The following TTC28 variants were observed in gnomAD, a reference collection of about 807,000 sequenced individuals.
TTC28 encodes the protein tetratricopeptide repeat domain 28.
A neutral mutation model predicts 198.0 loss-of-function variants in TTC28; 61 were observed. The observed-to-expected ratio is 0.31, with a 90% CI of 0.25 to 0.38. TTC28 has a LOEUF of 0.38. Ranked by LOEUF, TTC28 falls within the 10% of genes least tolerant of loss-of-function variation. TTC28 has a pLI of 1.00. For missense variants in TTC28, 2,678 were observed against 3,164.0 expected (o/e 0.85, Z 3.69); for synonymous variants, 1,171 against 1,297.8 (o/e 0.90, Z 2.10).
chr22:28,208,886 T>C (rs1199756725), intron 5 of TTC28, among the ~76,000 whole-genome samples: 2 of 152,120 alleles, frequency 1.3e-5, no homozygotes, highest in Admixed American at 1.3e-4. Flanking sequence ...AGTTGCTTAT[T>C]CTCTACATAT....
intron 14 of TTC28, 110 bp downstream of exon 14, chr22:28,014,138 C>G (rs553473335): frequency 7.5e-7 from 1 of 1,335,746 alleles, no homozygotes; most frequent in Non-Finnish European, 1.0e-6. Context: ...GGAAAGCCTC[C>G]GGTTGTCTCG....
At chr22:28,348,042 A>C (rs2045935782) in intron 2 of TTC28, among the ~76,000 whole-genome samples, 2 of 152,252 alleles carry the variant, frequency 1.3e-5, no homozygotes, top group South Asian at 4.1e-4. Context: ...AGAAGGAAAG[A>C]GCCTGGCACA....
At chr22:28,674,763 G>GAGCCAAGATC (rs1412151404) in intron 1 of TTC28, among the ~76,000 whole-genome samples, 1 of 148,382 alleles carries the variant, frequency 6.7e-6, no homozygotes, top group East Asian at 2.0e-4. Flanking sequence ...AGGTTACAGT[G>GAGCCAAGATC]AGCCAAGATC....
rs73880369 is a variant in TTC28 at position 28,013,232 on chromosome 22, A to T, written c.4218+1016T>A. Among the ~76,000 whole-genome samples the T allele has an allele frequency of 8.1e-3, 1,237 of 152,308 alleles. 20 individuals carry two copies. The highest frequency in any genetic ancestry group is 0.028 in the African/African-American group (1,178 of 41,564). On this transcript the variant is annotated intron_variant, in intron 14 of 22. Transcript: ENST00000397906. The stretch of plus-strand genomic sequence containing the variant: ...AAGGCCACTCCAACAGCTGTGAGAC[A>T]AATCTCCCACCTGGCTGCAGACTGC...
At chr22:28,438,863 T>G (rs895295656) in intron 2 of TTC28, among the ~76,000 whole-genome samples, 2 of 152,188 alleles carry the variant, frequency 1.3e-5, no homozygotes, top group African/African-American at 4.8e-5. Context: ...ATCATGACAC[T>G]GGATGGGGTA....
chr22:28,673,251 G>A (rs889231747), intron 1 of TTC28, among the ~76,000 whole-genome samples: 1 of 152,164 alleles, frequency 6.6e-6, no homozygotes, highest in Non-Finnish European at 1.5e-5. Flanking sequence ...GCAGGCGCCT[G>A]TAGTCCCAGC....
At chr22:28,190,525 T>G (rs1217269158) in intron 5 of TTC28, among the ~76,000 whole-genome samples, 1 of 152,230 alleles carries the variant, frequency 6.6e-6, no homozygotes, top group Non-Finnish European at 1.5e-5. Context: ...TGAGGTATGT[T>G]AGTGTAGCAA....
chr22:28,379,918 T>A (rs560938925), intron 2 of TTC28, among the ~76,000 whole-genome samples: 34 of 152,044 alleles, frequency 2.2e-4, no homozygotes, highest in African/African-American at 7.5e-4. Context: ...ATAGGACAAT[T>A]AAATGCAATG....
chr22:28,517,086 C>CA (rs1240650496), intron 2 of TTC28, among the ~76,000 whole-genome samples: 1 of 152,128 alleles, frequency 6.6e-6, no homozygotes, highest in Non-Finnish European at 1.5e-5. Flanking sequence ...GTTTTCAAAC[C>CA]AAGTGTTTCC....
Position 28,417,180 on chromosome 22 carries a change from G to A in TTC28, c.382-110537C>T, listed in dbSNP as rs191485194. Among the ~76,000 whole-genome samples the A allele has an allele frequency of 6.9e-3, 1,052 of 151,862 alleles. 18 individuals are homozygous for A. Among genetic ancestry groups the A allele is most frequent in the African/African-American group, 0.023 (971 of 41,366 alleles). Reference sequence around the variant, plus strand: ...GAGGTGGGAGGATGGCTTGAGCCTAGGGGTTTGAGACCAGCCTAGGCAAGA... The same window carrying A: ...GAGGTGGGAGGATGGCTTGAGCCTAAGGGTTTGAGACCAGCCTAGGCAAGA... On this transcript the variant is annotated intron_variant, in intron 2 of 22. Transcript: ENST00000397906.
At chr22:27,991,463 C>A (rs1937404756) in intron 19 of TTC28, among the ~76,000 whole-genome samples, 1 of 152,188 alleles carries the variant, frequency 6.6e-6, no homozygotes, top group African/African-American at 2.4e-5. Context: ...GCCAAGGGGA[C>A]AGGTCACTGT....
intron 2 of TTC28, among the ~76,000 whole-genome samples, chr22:28,371,047 G>A (rs1021230723): frequency 6.6e-6 from 1 of 152,132 alleles, no homozygotes; most frequent in Non-Finnish European, 1.5e-5. Flanking sequence ...ACTAAGTCAT[G>A]AGGTTCCAAC....
intron 2 of TTC28, among the ~76,000 whole-genome samples, chr22:28,338,844 T>C (rs1236870879): frequency 1.3e-5 from 2 of 152,122 alleles, no homozygotes; most frequent in African/African-American, 2.4e-5. Context: ...CAACTCGTCA[T>C]TGATCATCGT....
At chr22:28,435,661 C>T (rs919986532) in intron 2 of TTC28, among the ~76,000 whole-genome samples, 2 of 152,232 alleles carry the variant, frequency 1.3e-5, no homozygotes, top group Non-Finnish European at 2.9e-5. Context: ...GCCTCTTACA[C>T]TGGCAATGTT....
chr22:28,396,157 G>A lies in TTC28; in HGVS notation c.382-89514C>T, dbSNP rs567663683. ...AGTCTAAAAGAAAAACTTGACTTTG[G>A]GGAAATAGAATTTCTAAAGAGTGAC... On this transcript the variant is annotated intron_variant, in intron 2 of 22. Coordinates refer to ENST00000397906, the MANE Select transcript of TTC28 (RefSeq NM_001145418.2). Among the ~76,000 whole-genome samples, 3 of 152,280 alleles carry A rather than the reference G, an allele frequency of 2.0e-5. No homozygotes were observed. The South Asian group carries it at 6.2e-4, about 32-fold the overall frequency.
At chr22:28,093,138 CATTAA>C (rs1279350577) in intron 12 of TTC28, among the ~76,000 whole-genome samples, 1 of 152,154 alleles carries the variant, frequency 6.6e-6, no homozygotes, top group African/African-American at 2.4e-5. Flanking sequence ...CCAATATTGA[CATTAA>C]ATTATTCAAT....
At chr22:28,389,054 G>A (rs1033062641) in intron 2 of TTC28, among the ~76,000 whole-genome samples, 9 of 152,008 alleles carry the variant, frequency 5.9e-5, no homozygotes, top group Non-Finnish European at 1.2e-4. Flanking sequence ...AGCATGAAGG[G>A]TTGTTGAATT....
intron 12 of TTC28, among the ~76,000 whole-genome samples, chr22:28,085,204 C>A (rs187321392): frequency 3.3e-5 from 5 of 151,840 alleles, no homozygotes; most frequent in Admixed American, 1.3e-4. Context: ...CAAGACACAT[C>A]ATTGTCAGAT....
chr22:28,064,798 G>A (rs1253223190), intron 12 of TTC28, among the ~76,000 whole-genome samples: 2 of 152,100 alleles, frequency 1.3e-5, no homozygotes, highest in South Asian at 4.1e-4. Context: ...AGACTATCTT[G>A]GAAAAGGTAT....
Sources: allele counts gnomAD v4.1 joint callset (sites outside exome capture counted in the v4.1 genomes callset), GRCh38; gene constraint gnomAD v4.1.1; transcripts MANE v1.5; gene names NCBI Gene and HGNC (gene_info 2026-07-23, HGNC 2026-07-21).